The following ECPAS variants were observed in gnomAD, a reference collection of about 807,000 sequenced individuals.
ECPAS encodes the protein Ecm29 proteasome adaptor and scaffold.
In ECPAS, 70 loss-of-function variants were observed where a neutral mutation model predicts 255.1. That is an observed-to-expected ratio of 0.27 (90% confidence interval 0.23 to 0.33). The LOEUF (loss-of-function observed/expected upper bound fraction) is 0.33. ECPAS is among the 10% of genes least tolerant of loss of function. ECPAS has a pLI of 1.00. For synonymous variants in ECPAS, 784 were observed against 775.0 expected, an observed-to-expected ratio of 1.01 and a Z score of -0.19; for missense variants, 1,817 against 2,206.4, an observed-to-expected ratio of 0.82 and a Z score of 3.54.
intron 38 of ECPAS, among the ~76,000 whole-genome samples, chr9:111,374,753 C>T (rs1414440178): frequency 6.6e-6 from 1 of 152,082 alleles, no homozygotes; most frequent in East Asian, 1.9e-4. Flanking sequence ...TTTTTCTATT[C>T]AAACACTGCT....
At chr9:111,408,519 A>AC in intron 24 of ECPAS, 52 bp downstream of exon 24, 1 of 1,122,596 alleles carries the variant, frequency 8.9e-7, no homozygotes, top group South Asian at 1.8e-5. Context: ...AAAAAAAAAA[A>AC]GACCAATGCC....
intron 24 of ECPAS, 30 bp downstream of exon 24, chr9:111,408,541 T>A: frequency 1.5e-6 from 2 of 1,302,404 alleles, no homozygotes; most frequent in Non-Finnish European, 2.1e-6. Context: ...TTTCTCTGAA[T>A]AACTAACAAT....
At chr9:111,447,570 T>C (rs1456381309) in intron 3 of ECPAS, among the ~76,000 whole-genome samples, 2 of 152,210 alleles carry the variant, frequency 1.3e-5, no homozygotes, top group Non-Finnish European at 2.9e-5. Flanking sequence ...AGATAACATT[T>C]CAAAGGCTAC....
intron 7 of ECPAS, 22 bp from the exon 8 acceptor site, chr9:111,433,394 G>A (rs781283317): frequency 1.2e-6 from 2 of 1,613,504 alleles, no homozygotes; most frequent in Non-Finnish European, 1.7e-6. Context: ...TGAAGGGAAG[G>A]AGAAAGAACA....
At chr9:111,465,160 T>C (rs72609711) in intron 2 of ECPAS, among the ~76,000 whole-genome samples, 9,763 of 152,018 alleles carry the variant, frequency 0.064, 466 homozygotes, top group East Asian at 0.21. Context: ...ATTAATTAAT[T>C]AAAATAAAAT....
intron 27 of ECPAS, 27 bp from the exon 28 acceptor site, chr9:111,392,909 T>C (rs1268950120): frequency 2.6e-6 from 4 of 1,541,212 alleles, no homozygotes; most frequent in Non-Finnish European, 3.5e-6. Context: ...CAAGATTGTA[T>C]CACTTTAAAA....
Position 111,378,669 on chromosome 9 carries a change from T to C in ECPAS, c.3865A>G (p.Lys1289Glu), listed in dbSNP as rs1564502648. 1.2e-6 allele frequency: 2 copies of C among 1,613,928 alleles called. No homozygotes were observed. Among genetic ancestry groups the C allele is most frequent in the Non-Finnish European group, 1.7e-6 (2 of 1,179,800 alleles). The change falls in exon 36 of 50, where the codon AAA becomes GAA. Residue 1289 changes from lysine to glutamate, a missense_variant. Coordinates refer to ENST00000684092, the MANE Select transcript of ECPAS (RefSeq NM_001364929.1). ...GACTCTAGCAGAGCTGGAATGAGTTTTGGTGCATGCGGTTTCAACATGGCT... is the reference window on the plus strand; with the variant it reads ...GACTCTAGCAGAGCTGGAATGAGTTCTGGTGCATGCGGTTTCAACATGGCT... Reference protein sequence around the residue: ...AGAMLKPHAPKLIPALLESLS... With the variant: ...AGAMLKPHAPELIPALLESLS...
At position 111,464,994 on chromosome 9, in the gene ECPAS, A is replaced by G. The variant is rs1252710255; in HGVS notation, c.22+7903T>C. Among the ~76,000 whole-genome samples the G allele has an allele frequency of 7.1e-5, 10 of 141,380 alleles. No individual in the cohort carries two copies. The East Asian group carries it at 8.8e-4, about 12-fold the overall frequency. The allele number at this position is 141,380 out of a possible 152,430, so 92.8% of individuals were successfully genotyped here. A position where few individuals can be genotyped will look rare whatever the true frequency, so the allele number is the denominator to read the frequency against. On this transcript the variant is annotated intron_variant, in intron 2 of 49. Coordinates refer to ENST00000684092, the MANE Select transcript of ECPAS (RefSeq NM_001364929.1). ...AGGTCGGGAGTTTGAGACCAGCCTG[A>G]CCAAAATGGAGAAACCCCGTCTCTA...
intron 46 of ECPAS, among the ~76,000 whole-genome samples, chr9:111,367,999 C>T (rs2098122532): frequency 6.6e-6 from 1 of 150,720 alleles, no homozygotes; most frequent in Non-Finnish European, 1.5e-5. Context: ...TGCACCACTG[C>T]ACTCCAGCCT....
intron 2 of ECPAS, among the ~76,000 whole-genome samples, chr9:111,462,033 T>C (rs1040971453): frequency 6.6e-6 from 1 of 152,202 alleles, no homozygotes; most frequent in African/African-American, 2.4e-5. Context: ...TTATGGGAGC[T>C]ACAAGATGAG....
chr9:111,439,485 T>A (rs2098242829), intron 6 of ECPAS, among the ~76,000 whole-genome samples: 1 of 152,104 alleles, frequency 6.6e-6, no homozygotes, highest in Admixed American at 6.5e-5. Flanking sequence ...CCCAGGCTGG[T>A]CTCAAACTTC....
chr9:111,379,300 T>C (rs1205681451), intron 35 of ECPAS, among the ~76,000 whole-genome samples: 1 of 152,262 alleles, frequency 6.6e-6, no homozygotes, highest in African/African-American at 2.4e-5. Context: ...ACATGAATTT[T>C]CTAGTTTACC....
At chr9:111,411,844 A>C (rs974563135) in intron 21 of ECPAS, 170 bp downstream of exon 21, 5 of 554,646 alleles carry the variant, frequency 9.0e-6, no homozygotes, top group Non-Finnish European at 1.5e-5. Flanking sequence ...GTATCTGTTA[A>C]GTGAGCTGAC....
chr9:111,374,850 G>A (rs2098131529), intron 38 of ECPAS, among the ~76,000 whole-genome samples: 1 of 152,076 alleles, frequency 6.6e-6, no homozygotes, highest in South Asian at 2.1e-4. Context: ...GCTAATGAAT[G>A]ACAACCCAGA....
intron 24 of ECPAS, among the ~76,000 whole-genome samples, chr9:111,405,822 A>G (rs2098183124): frequency 1.3e-5 from 2 of 149,834 alleles, no homozygotes; most frequent in South Asian, 2.1e-4. Flanking sequence ...AGAAATACAG[A>G]GAAAAACCAC....
intron 36 of ECPAS, 92 bp downstream of exon 36, chr9:111,378,488 C>T: frequency 7.6e-7 from 1 of 1,310,130 alleles, no homozygotes; most frequent in Non-Finnish European, 1.0e-6. Flanking sequence ...GTTCTGGTAA[C>T]AGTAGTGACA....
chr9:111,399,217 A>C (rs539075516), intron 24 of ECPAS, among the ~76,000 whole-genome samples: 15 of 152,260 alleles, frequency 9.9e-5, no homozygotes, highest in African/African-American at 2.6e-4. Context: ...GCCCAACAGA[A>C]TCTCATCCCC....
chr9:111,382,355 C>T (rs2098141722), intron 35 of ECPAS, among the ~76,000 whole-genome samples: 1 of 150,734 alleles, frequency 6.6e-6, no homozygotes, highest in South Asian at 2.1e-4. Context: ...ACCTCCGCCT[C>T]CTGGGTTCAA....
intron 19 of ECPAS, 104 bp from the exon 20 acceptor site, chr9:111,414,090 CT>C (rs1346616392): frequency 1.5e-6 from 1 of 657,166 alleles, no homozygotes; most frequent in African/African-American, 1.9e-5. Context: ...AGCACACATT[CT>C]TTCGGTTCTA....
Sources: gnomAD v4.1 joint callset for allele counts (sites outside exome capture counted in the v4.1 genomes callset) on GRCh38, gnomAD v4.1.1 for gene constraint, MANE v1.5 for transcripts, NCBI Gene and HGNC (gene_info 2026-07-23, HGNC 2026-07-21) for gene names.